Variants in AGMO observed in about 807,000 individuals in gnomAD.
The protein encoded by AGMO is alkylglycerol monooxygenase, also known as glyceryl-ether monooxygenase.
In AGMO, 75 loss-of-function variants were observed where a neutral mutation model predicts 60.2. That is an observed-to-expected ratio of 1.25 (90% CI 1.03 to 1.51). The LOEUF is 1.51. Among genes scored for constraint, AGMO ranks in the 40% most tolerant of loss-of-function variants. The probability of loss-of-function intolerance (pLI) is 0.00; values close to 1 mark genes in which losing one functional copy is unlikely to be tolerated. For synonymous variants in AGMO, 261 were observed against 177.1 expected, an observed-to-expected ratio of 1.47 and a Z score of -3.76; for missense variants, 763 against 525.5, an observed-to-expected ratio of 1.45 and a Z score of -4.42.
At chr7:15,212,717 T>C (rs1008765916) in intron 12 of AGMO, among the ~76,000 whole-genome samples, 1 of 151,878 alleles carries the variant, frequency 6.6e-6, no homozygotes, top group Non-Finnish European at 1.5e-5. Flanking sequence ...GAAGTAACCA[T>C]GATTCAGTGC....
chr7:15,238,453 G>T (rs1199273038), intron 12 of AGMO, among the ~76,000 whole-genome samples: 1 of 151,730 alleles, frequency 6.6e-6, no homozygotes, highest in Admixed American at 6.6e-5. Context: ...AAATATTTGA[G>T]TTGATAGATA....
At chr7:15,404,170 G>A (rs1346579516) in intron 5 of AGMO, among the ~76,000 whole-genome samples, 1 of 151,842 alleles carries the variant, frequency 6.6e-6, no homozygotes, top group African/African-American at 2.4e-5. Context: ...CCATACCACA[G>A]GGATAAAGAG....
intron 3 of AGMO, among the ~76,000 whole-genome samples, chr7:15,459,728 T>C (rs1286606658): frequency 6.6e-6 from 1 of 151,956 alleles, no homozygotes; most frequent in Non-Finnish European, 1.5e-5. Flanking sequence ...TTTTTAAAAC[T>C]GCATGGACTG....
intron 3 of AGMO, among the ~76,000 whole-genome samples, chr7:15,482,770 G>A (rs1426065523): frequency 6.6e-6 from 1 of 152,132 alleles, no homozygotes; most frequent in Non-Finnish European, 1.5e-5. Flanking sequence ...TATACAAAAA[G>A]GATAGTATGG....
chr7:15,508,023 G>T (rs1783565671), intron 3 of AGMO, among the ~76,000 whole-genome samples: 1 of 151,946 alleles, frequency 6.6e-6, no homozygotes, highest in Non-Finnish European at 1.5e-5. Context: ...AATAAAATGA[G>T]ATTTTCAAAC....
chr7:15,142,344 G>A, the AGMO span, among the ~76,000 whole-genome samples: 1 of 152,080 alleles, frequency 6.6e-6, no homozygotes, highest in Non-Finnish European at 1.5e-5. Flanking sequence ...AAAGAAGCAA[G>A]ACCCACCAAC....
chr7:15,165,782 T>G, the AGMO span, among the ~76,000 whole-genome samples: 2 of 152,196 alleles, frequency 1.3e-5, no homozygotes, highest in Non-Finnish European at 2.9e-5. Flanking sequence ...GTACTTTTTC[T>G]ATAAATGAGA....
chr7:15,549,221 T>C lies in AGMO; in HGVS notation c.258-4298A>G, dbSNP rs1476040974. The stretch of plus-strand genomic sequence containing the variant: ...CAGCCGCTGCAAAATCATGCCAAAA[T>C]GTAAAGACCATCGAGACTAGGAAGA... On this transcript the variant is annotated intron_variant, in intron 2 of 12. Transcript: ENST00000342526. 2.9e-5 allele frequency among the ~76,000 whole-genome samples: 4 copies of C among 139,350 alleles called. No individual in the cohort carries two copies. The East Asian group carries it at 8.4e-4, about 29-fold the overall frequency. The allele number at this position is 139,350 out of a possible 152,430, so 91.4% of individuals were successfully genotyped here.
the AGMO span, among the ~76,000 whole-genome samples, chr7:15,117,690 T>C: frequency 2.6e-5 from 4 of 151,924 alleles, no homozygotes; most frequent in African/African-American, 4.8e-5. Context: ...AGAGAAGTAA[T>C]TGAAGAAAAT....
Position 15,460,065 on chromosome 7 carries a change from A to C in AGMO, c.410-28957T>G, listed in dbSNP as rs534483586. 1.9e-3 allele frequency among the ~76,000 whole-genome samples: 286 copies of C among 151,678 alleles called. 1 individual carries two copies. Among genetic ancestry groups the C allele is most frequent in the Non-Finnish European group, 3.3e-3 (222 of 67,960 alleles). ...TACTTTGTATCCCTGGGGACACAAAAGATGCACAAAGTTTCAAAGTAATTA... is the reference window on the plus strand; with the variant it reads ...TACTTTGTATCCCTGGGGACACAAACGATGCACAAAGTTTCAAAGTAATTA... On this transcript the variant is annotated intron_variant, in intron 3 of 12. Transcript: ENST00000342526.
intron 4 of AGMO, among the ~76,000 whole-genome samples, chr7:15,421,849 C>T (rs1338984364): frequency 6.6e-6 from 1 of 152,056 alleles, no homozygotes; most frequent in African/African-American, 2.4e-5. Context: ...TTTTATTTAG[C>T]TTACAGGTGT....
intron 12 of AGMO, among the ~76,000 whole-genome samples, chr7:15,303,761 T>C (rs140816262): frequency 6.6e-6 from 1 of 152,264 alleles, no homozygotes; most frequent in East Asian, 1.9e-4. Context: ...GCCCTGACTT[T>C]AGAAATGTTT....
intron 1 of AGMO, among the ~76,000 whole-genome samples, chr7:15,561,043 G>A (rs997673037): frequency 9.2e-5 from 14 of 152,106 alleles, no homozygotes; most frequent in African/African-American, 3.1e-4. Context: ...TTTCTAAACT[G>A]AACTCTCAAT....
chr7:15,187,360 T>G, the AGMO span, among the ~76,000 whole-genome samples: 1 of 152,200 alleles, frequency 6.6e-6, no homozygotes, highest in African/African-American at 2.4e-5. Context: ...AAAACAGGAC[T>G]CATAGATAAA....
the AGMO span, among the ~76,000 whole-genome samples, chr7:15,194,418 C>T: frequency 1.3e-5 from 2 of 151,848 alleles, no homozygotes; most frequent in Admixed American, 1.3e-4. Context: ...ACTTAAAAGT[C>T]TTTTAATCTG....
At chr7:15,215,201 G>A (rs540114616) in intron 12 of AGMO, among the ~76,000 whole-genome samples, 6 of 152,196 alleles carry the variant, frequency 3.9e-5, no homozygotes, top group East Asian at 1.9e-4. Context: ...AGCAAGACTC[G>A]TAGAGAAACT....
At chr7:15,358,219 A>T (rs888203254) in intron 12 of AGMO, 1 of 194,648 alleles carries the variant, frequency 5.1e-6, no homozygotes, top group Non-Finnish European at 1.1e-5. Flanking sequence ...AGGAATTGTC[A>T]GTGCACATTT....
intron 3 of AGMO, among the ~76,000 whole-genome samples, chr7:15,540,952 T>C (rs1784612202): frequency 6.6e-6 from 1 of 152,208 alleles, no homozygotes; most frequent in African/African-American, 2.4e-5. Context: ...ATAGAGCTTA[T>C]TATCAGGACC....
chr7:15,229,685 T>C (rs1782194132), intron 12 of AGMO, among the ~76,000 whole-genome samples: 1 of 146,236 alleles, frequency 6.8e-6, no homozygotes, highest in East Asian at 2.0e-4. Context: ...AGTATACACA[T>C]ATATATAACT....
Sources: allele counts gnomAD v4.1 joint callset (sites outside exome capture counted in the v4.1 genomes callset), GRCh38; gene constraint gnomAD v4.1.1; transcripts MANE v1.5; gene names NCBI Gene and HGNC (gene_info 2026-07-23, HGNC 2026-07-21).